KLHL29: variants seen among roughly 807,000 people sequenced by gnomAD.
KLHL29 encodes the protein kelch-like protein 29.
Under a neutral mutation model 80.4 loss-of-function variants are expected in KLHL29, and 21 were observed. The observed-to-expected ratio is 0.26, with a 90% confidence interval of 0.19 to 0.38. The LOEUF is 0.38. KLHL29 is among the 10% of genes least tolerant of loss of function. KLHL29 has a pLI of 1.00. For synonymous variants in KLHL29, 511 were observed against 526.8 expected (o/e 0.97, Z 0.41); for missense variants, 867 against 1,223.9 (o/e 0.71, Z 4.35).
chr2:23,386,245 T>C (rs1666179906), intron 1 of KLHL29, among the ~76,000 whole-genome samples: 1 of 151,874 alleles, frequency 6.6e-6, no homozygotes, highest in South Asian at 2.1e-4. Context: ...GCACTGTCCT[T>C]TGGGGAGGTG....
chr2:23,514,812 C>T (rs566395010), intron 2 of KLHL29, among the ~76,000 whole-genome samples: 129 of 152,354 alleles, frequency 8.5e-4, no homozygotes, highest in African/African-American at 3.0e-3. Flanking sequence ...TCCATCTATC[C>T]TTGCTGCTTT....
chr2:23,625,044 G>A (rs11888117), intron 3 of KLHL29, among the ~76,000 whole-genome samples: 4,219 of 152,336 alleles, frequency 0.028, 198 homozygotes, highest in African/African-American at 0.097. Context: ...CCACGGCTCT[G>A]ATCATTATGA....
At chr2:23,480,514 G>A (rs1389645818) in intron 2 of KLHL29, among the ~76,000 whole-genome samples, 1 of 151,774 alleles carries the variant, frequency 6.6e-6, no homozygotes, top group Non-Finnish European at 1.5e-5. Flanking sequence ...AAAAACTACA[G>A]ATGCCTAGGT....
At chr2:23,622,230 C>T (rs1669200747) in intron 3 of KLHL29, among the ~76,000 whole-genome samples, 1 of 152,156 alleles carries the variant, frequency 6.6e-6, no homozygotes, top group Non-Finnish European at 1.5e-5. Context: ...GTTGTTCTGA[C>T]CCCCAAAGGC....
At chr2:23,703,134 G>T in intron 11 of KLHL29, 52 bp from the exon 12 acceptor site, 1 of 1,317,600 alleles carries the variant, frequency 7.6e-7, no homozygotes. Context: ...TGTGACCTCT[G>T]CCCCGCACAA....
At chr2:23,475,985 C>A (rs571427717) in intron 2 of KLHL29, among the ~76,000 whole-genome samples, 1 of 152,308 alleles carries the variant, frequency 6.6e-6, no homozygotes, top group East Asian at 1.9e-4. Flanking sequence ...TTCAAGCGAT[C>A]CTTCCACCTC....
At chr2:23,656,075 G>A (rs992427595) in intron 5 of KLHL29, among the ~76,000 whole-genome samples, 9 of 152,322 alleles carry the variant, frequency 5.9e-5, no homozygotes, top group African/African-American at 1.9e-4. Flanking sequence ...AAGACTGGCC[G>A]TGTTATAAAA....
chr2:23,436,704 C>T (rs1324541999), intron 1 of KLHL29, among the ~76,000 whole-genome samples: 1 of 152,250 alleles, frequency 6.6e-6, no homozygotes, highest in Non-Finnish European at 1.5e-5. Flanking sequence ...ATTGGAGATG[C>T]AGCCTGGCTT....
chr2:23,521,446 T>A (rs2103470042), intron 2 of KLHL29, among the ~76,000 whole-genome samples: 1 of 152,364 alleles, frequency 6.6e-6, no homozygotes, highest in Middle Eastern at 3.4e-3. Context: ...AGTCAGGGCC[T>A]TCTCCCTAGT....
At chr2:23,401,198 C>A (rs1666591849) in intron 1 of KLHL29, among the ~76,000 whole-genome samples, 1 of 152,160 alleles carries the variant, frequency 6.6e-6, no homozygotes, top group Non-Finnish European at 1.5e-5. Context: ...CAGTAGAGAC[C>A]TGTGGAGACA....
In KLHL29 at chr2:23,395,091, G is replaced by A. The variant is rs578066503; in HGVS notation, c.-154+9311G>A. Among the ~76,000 whole-genome samples, 11 of 152,242 alleles carry A rather than the reference G, an allele frequency of 7.2e-5. No homozygotes were observed. The South Asian group carries it at 1.2e-3, about 17-fold the overall frequency. ...TGGTCCTGGCACAGGCTGGATATTCGTTGTTCAAATACTGTGAGCTCAATG... is the reference window on the plus strand; with the variant it reads ...TGGTCCTGGCACAGGCTGGATATTCATTGTTCAAATACTGTGAGCTCAATG... On this transcript the variant is annotated intron_variant, in intron 1 of 13. Coordinates refer to ENST00000486442, the MANE Select transcript of KLHL29 (RefSeq NM_052920.2).
intron 3 of KLHL29, among the ~76,000 whole-genome samples, chr2:23,567,204 A>C (rs1667608824): frequency 6.6e-6 from 1 of 152,256 alleles, no homozygotes; most frequent in Non-Finnish European, 1.5e-5. Flanking sequence ...CCTGCTTGAC[A>C]GATGAAACAG....
In KLHL29 at chr2:23,527,832, C is replaced by T. The variant is rs565507390; in HGVS notation, c.-45-34320C>T. On this transcript the variant is annotated intron_variant, in intron 2 of 13. Transcript: ENST00000486442. Reference sequence around the variant, plus strand: ...TCTTGATTCCTGGAGCCCTAAACCCCGAGTCAGCTTTCTGCATTGAAGGTT... The same window carrying T: ...TCTTGATTCCTGGAGCCCTAAACCCTGAGTCAGCTTTCTGCATTGAAGGTT... Among the ~76,000 whole-genome samples, 11 of 152,316 alleles carry T rather than the reference C, an allele frequency of 7.2e-5. No homozygotes were observed. The South Asian group carries it at 1.9e-3, about 26-fold the overall frequency.
At chr2:23,510,505 G>C (rs957288109) in intron 2 of KLHL29, among the ~76,000 whole-genome samples, 2 of 152,226 alleles carry the variant, frequency 1.3e-5, no homozygotes, top group African/African-American at 4.8e-5. Flanking sequence ...CTGTGGGTCT[G>C]TCCATCCCTT....
chr2:23,547,914 A>C (rs1667018123), intron 2 of KLHL29, among the ~76,000 whole-genome samples: 1 of 152,170 alleles, frequency 6.6e-6, no homozygotes, highest in South Asian at 2.1e-4. Flanking sequence ...AGGTGAAGGC[A>C]CAGAGTAAGG....
At chr2:23,411,379 T>TTGTGTGTGTGTGTGTGTGTG (rs56103621) in intron 1 of KLHL29, among the ~76,000 whole-genome samples, 5 of 108,944 alleles carry the variant, frequency 4.6e-5, no homozygotes, top group African/African-American at 1.9e-4. Flanking sequence ...GTTGCAAAAA[T>TTGTGTGTGTGTGTGTGTGTG]TGTGTGTGTG....
chr2:23,554,366 C>T lies in KLHL29; in HGVS notation c.-45-7786C>T, dbSNP rs183611189. On this transcript the variant is annotated intron_variant, in intron 2 of 13. Coordinates refer to ENST00000486442, the MANE Select transcript of KLHL29 (RefSeq NM_052920.2). ...ATGAGGCAATCATACATTTTCTGAT[C>T]GGGGCCGGCCGGGCCGAGGCTCATT... Among the ~76,000 whole-genome samples the T allele has an allele frequency of 8.5e-4, 129 of 152,312 alleles. 4 individuals are homozygous for T. Among genetic ancestry groups the T allele is most frequent in the Non-Finnish European group, 2.8e-4 (19 of 68,012 alleles).
intron 3 of KLHL29, among the ~76,000 whole-genome samples, chr2:23,611,513 G>A (rs779360942): frequency 1.3e-5 from 2 of 152,156 alleles, no homozygotes; most frequent in Non-Finnish European, 2.9e-5. Flanking sequence ...AGTATCCCTA[G>A]GTGCCCAGCA....
At chr2:23,618,952 G>A (rs1205534939) in intron 3 of KLHL29, among the ~76,000 whole-genome samples, 1 of 152,252 alleles carries the variant, frequency 6.6e-6, no homozygotes, top group East Asian at 1.9e-4. Flanking sequence ...TGAACTGTGT[G>A]AATAGAAATG....
Sources: allele counts gnomAD v4.1 joint callset (sites outside exome capture counted in the v4.1 genomes callset), GRCh38; gene constraint gnomAD v4.1.1; transcripts MANE v1.5; gene names NCBI Gene and HGNC (gene_info 2026-07-23, HGNC 2026-07-21).